Variants in FAT4 observed in about 807,000 individuals in gnomAD.
FAT4 encodes FAT atypical cadherin 4.
FAT4 carries 84 observed loss-of-function variants against 303.9 expected under a neutral mutation model. The observed-to-expected ratio is 0.28, with a 90% CI of 0.23 to 0.33. The LOEUF (loss-of-function observed/expected upper bound fraction) is 0.33. Ranked by LOEUF, FAT4 falls within the 10% of genes least tolerant of loss-of-function variation. The pLI, the probability that FAT4 is intolerant of heterozygous loss-of-function variation, is 1.00. For missense variants in FAT4, 6,005 were observed against 6,146.8 expected, an observed-to-expected ratio of 0.98 and a Z score of 0.77; for synonymous variants, 2,307 against 2,298.8, an observed-to-expected ratio of 1.00 and a Z score of -0.10.
chr4:125,477,480 T>A, intron 14 of FAT4, 146 bp downstream of exon 14: 2 of 664,944 alleles, frequency 3.0e-6, no homozygotes, highest in Non-Finnish European at 4.6e-6. Flanking sequence ...ATACTATACC[T>A]TTGAAATTTT....
chr4:125,383,625 C>G (rs1051011333), intron 2 of FAT4, among the ~76,000 whole-genome samples: 2 of 152,118 alleles, frequency 1.3e-5, no homozygotes, highest in Admixed American at 6.5e-5. Flanking sequence ...GAAACTTGCT[C>G]AATGCAGGGA....
intron 3 of FAT4, among the ~76,000 whole-genome samples, chr4:125,400,736 C>A (rs1578599550): frequency 6.6e-6 from 1 of 151,662 alleles, no homozygotes; most frequent in Non-Finnish European, 1.5e-5. Flanking sequence ...TGTAAGTAAC[C>A]TTGCAGATGT....
At chr4:125,405,935 T>C (rs1401069706) in intron 3 of FAT4, among the ~76,000 whole-genome samples, 1 of 152,202 alleles carries the variant, frequency 6.6e-6, no homozygotes, top group African/African-American at 2.4e-5. Context: ...ATTAACTTTC[T>C]ATCAGATATA....
intron 9 of FAT4, among the ~76,000 whole-genome samples, chr4:125,447,351 T>C (rs1388768762): frequency 6.6e-6 from 1 of 152,138 alleles, no homozygotes; most frequent in East Asian, 1.9e-4. Context: ...CAGATCCTCC[T>C]TTCAGTGATC....
At position 125,318,156 on chromosome 4, in the gene FAT4, T is replaced by A; in HGVS notation, c.1745T>A (p.Phe582Tyr). ...GATGTGAATGATGAAAAGCCAGTAT[T>A]TAGCCAGCCAGAAGGGTATGATGTG... ...LLDVNDEKPV[F>Y]SQPEGYDVSV... Residue 582 changes from phenylalanine to tyrosine, a missense_variant, in exon 2 of 18, where the codon TTT becomes TAT. Phe to Tyr is a conservative substitution (Grantham distance 22). Transcript: ENST00000394329. The A allele has an allele frequency of 6.2e-7, 1 of 1,614,148 alleles. No homozygotes were observed. Among genetic ancestry groups the A allele is most frequent in the Non-Finnish European group, 8.5e-7 (1 of 1,180,040 alleles).
intron 15 of FAT4, 53 bp from the exon 16 acceptor site, chr4:125,481,468 C>T: frequency 2.0e-6 from 3 of 1,528,436 alleles, no homozygotes; most frequent in Non-Finnish European, 2.7e-6. Context: ...GAAAACACTC[C>T]AAGAAATGCC....
At chr4:125,437,097 T>C (rs4834038) in intron 8 of FAT4, among the ~76,000 whole-genome samples, 150,682 of 152,196 alleles carry the variant, frequency 0.99, 74,606 homozygotes, top group East Asian at 1. Context: ...TCAGGTGATC[T>C]GCCCACTTCC....
chr4:125,487,218 T>C (rs764521736), intron 16 of FAT4, 127 bp from the exon 17 acceptor site: 3 of 759,296 alleles, frequency 4.0e-6, no homozygotes, highest in African/African-American at 1.8e-5. Flanking sequence ...TATATTCTAA[T>C]ACAACCAGAT....
intron 8 of FAT4, among the ~76,000 whole-genome samples, chr4:125,444,614 G>A (rs879883938): frequency 1.6e-4 from 24 of 152,104 alleles, no homozygotes; most frequent in Middle Eastern, 3.4e-3. Context: ...AACACATTAC[G>A]CTTAATAATA....
chr4:125,415,086 G>T lies in FAT4; in HGVS notation c.6123G>T (p.Leu2041Phe). 1 of 1,614,010 alleles carries T rather than the reference G, an allele frequency of 6.2e-7. No homozygotes were observed. Among genetic ancestry groups the T allele is most frequent in the Non-Finnish European group, 8.5e-7 (1 of 1,179,932 alleles). Residue 2041 changes from leucine (L) to phenylalanine (F), a missense_variant, in exon 6 of 18, where the codon TTG (leucine) becomes TTT (phenylalanine). Transcript: ENST00000394329. ...FTSTAQVSII[L>F]LDVNDNPPTF... The stretch of plus-strand genomic sequence containing the variant: ...GCACTGCTCAAGTCTCCATTATTTT[G>T]TTGGATGTAAATGATAACCCACCGA...
chr4:125,427,059 C>T (rs769234070), intron 7 of FAT4, among the ~76,000 whole-genome samples: 8 of 151,792 alleles, frequency 5.3e-5, no homozygotes, highest in Non-Finnish European at 7.4e-5. Flanking sequence ...TAGGTGGTAG[C>T]CTCTAGTGTT....
intron 2 of FAT4, among the ~76,000 whole-genome samples, chr4:125,382,534 T>G (rs1733580377): frequency 1.3e-5 from 2 of 152,184 alleles, no homozygotes; most frequent in Non-Finnish European, 2.9e-5. Flanking sequence ...TTTGCTGTCA[T>G]CCAGGGTTTG....
Position 125,318,284 on chromosome 4 carries a change from G to A in FAT4, c.1873G>A (p.Ala625Thr). The part of the protein sequence containing the change: ...NGTVRFSLQE[A>T]ETDRRSFRLD... ...AACAGTGCGCTTCTCCTTACAAGAG[G>A]CAGAGACTGACCGGAGGTCCTTCCG... The change falls in exon 2 of 18, where the codon GCA (alanine) becomes ACA (threonine). Residue 625 changes from alanine to threonine, a missense_variant. Coordinates refer to ENST00000394329, the MANE Select transcript of FAT4 (RefSeq NM_001291303.3). 6.2e-7 allele frequency: 1 copy of A among 1,614,214 alleles called. No individual in the cohort carries two copies. The highest frequency in any genetic ancestry group is 8.5e-7 in the Non-Finnish European group (1 of 1,180,042).
intron 2 of FAT4, among the ~76,000 whole-genome samples, chr4:125,372,204 A>G (rs78512315): frequency 0.06 from 9,180 of 152,032 alleles, 421 homozygotes; most frequent in East Asian, 0.19. Context: ...AAAAAAGAAA[A>G]AAGGAAAATT....
chr4:125,361,444 A>G (rs903892154), intron 2 of FAT4, among the ~76,000 whole-genome samples: 11 of 152,082 alleles, frequency 7.2e-5, no homozygotes, highest in Non-Finnish European at 1.3e-4. Flanking sequence ...CTCATGAGAG[A>G]TTTGAGAAAT....
At chr4:125,464,157 A>C (rs1322166189) in intron 11 of FAT4, among the ~76,000 whole-genome samples, 1 of 152,180 alleles carries the variant, frequency 6.6e-6, no homozygotes, top group African/African-American at 2.4e-5. Context: ...CTTAGTAACT[A>C]TACCTGACGT....
chr4:125,370,152 C>T (rs1733051277), intron 2 of FAT4, among the ~76,000 whole-genome samples: 1 of 151,556 alleles, frequency 6.6e-6, no homozygotes, highest in East Asian at 1.9e-4. Context: ...CTTTGTTCTG[C>T]CACAACTAGG....
In FAT4 at chr4:125,321,534, A is replaced by T. The variant is rs1420508317; in HGVS notation, c.5123A>T (p.Asp1708Val). Residue 1708 changes from aspartate to valine, a missense_variant, in exon 2 of 18, where the codon GAT (aspartate) becomes GTT (valine). Asp to Val is a radical substitution (Grantham distance 152). Transcript: ENST00000394329. ...CAAGGAGCATGTCTTTACCTGGTGG[A>T]TGTTTATGCCATAGAAAAATCAACT... ...REQGACLYLV[D>V]VYAIEKSTAF... The T allele has an allele frequency of 3.1e-6, 5 of 1,613,594 alleles. 1 individual carries two copies. In the South Asian group the frequency reaches 3.3e-5, roughly 11 times the overall value.
chr4:125,480,716 A>G (rs985101919), intron 15 of FAT4, among the ~76,000 whole-genome samples: 4 of 152,114 alleles, frequency 2.6e-5, no homozygotes, highest in African/African-American at 9.6e-5. Context: ...CATAGAAAAT[A>G]TATACTGTCA....
Sources: allele counts gnomAD v4.1 joint callset (sites outside exome capture counted in the v4.1 genomes callset), GRCh38; gene constraint gnomAD v4.1.1; transcripts MANE v1.5; gene names NCBI Gene and HGNC (gene_info 2026-07-23, HGNC 2026-07-21).